The following DNAJC1 variants were observed in gnomAD, a reference collection of about 807,000 sequenced individuals.
DNAJC1 encodes the protein dnaJ homolog subfamily C member 1.
A neutral mutation model predicts 76.6 loss-of-function variants in DNAJC1; 58 were observed. The ratio of observed to expected loss-of-function variants is 0.76; its 90% CI spans 0.61 to 0.94. DNAJC1 has a LOEUF of 0.94. Among genes scored for constraint, DNAJC1 ranks in the 40% least tolerant of loss-of-function variants. DNAJC1 has a pLI of 0.00. For missense variants in DNAJC1, 689 were observed against 677.3 expected (o/e 1.02, Z -0.19); for synonymous variants, 258 against 267.9 (o/e 0.96, Z 0.36).
At chr10:21,969,265 A>C (rs1043708795) in intron 1 of DNAJC1, among the ~76,000 whole-genome samples, 1 of 149,006 alleles carries the variant, frequency 6.7e-6, no homozygotes, top group East Asian at 2.1e-4. Context: ...CTAGGGACAA[A>C]GAGTTGGAAT....
intron 9 of DNAJC1, among the ~76,000 whole-genome samples, chr10:21,787,512 A>C (rs764591321): frequency 6.6e-6 from 1 of 152,212 alleles, no homozygotes; most frequent in South Asian, 2.1e-4. Flanking sequence ...CCACAAAGAC[A>C]GCCAAAAACA....
At chr10:21,906,708 T>C (rs1018965887) in intron 6 of DNAJC1, among the ~76,000 whole-genome samples, 7 of 152,180 alleles carry the variant, frequency 4.6e-5, no homozygotes, top group African/African-American at 1.7e-4. Context: ...ACTAGCTATG[T>C]GACATTCAGA....
intron 8 of DNAJC1, among the ~76,000 whole-genome samples, chr10:21,813,183 T>TCC (rs2131647624): frequency 5.6e-5 from 1 of 17,978 alleles, no homozygotes; most frequent in Non-Finnish European, 9.5e-5. Flanking sequence ...TCCCTCTCTC[T>TCC]CTCTCTCTCT....
intron 8 of DNAJC1, chr10:21,865,782 A>G (rs1014545407): frequency 6.6e-6 from 1 of 152,134 alleles, no homozygotes; most frequent in Non-Finnish European, 1.5e-5. Flanking sequence ...AAATTAATCA[A>G]TACAAAAGAC....
intron 1 of DNAJC1, among the ~76,000 whole-genome samples, chr10:21,954,040 T>C (rs1010056622): frequency 9.2e-5 from 14 of 152,112 alleles, no homozygotes; most frequent in African/African-American, 3.4e-4. Context: ...TGGGCATTTT[T>C]ATATTTGCAA....
intron 1 of DNAJC1, among the ~76,000 whole-genome samples, chr10:21,948,099 T>C (rs951770661): frequency 1.9e-4 from 28 of 151,320 alleles, no homozygotes; most frequent in African/African-American, 6.8e-4. Context: ...GTCTTTTTTT[T>C]TTTTTTTTTG....
At chr10:21,972,140 CAA>C (rs1380395016) in intron 1 of DNAJC1, among the ~76,000 whole-genome samples, 1 of 151,852 alleles carries the variant, frequency 6.6e-6, no homozygotes, top group Non-Finnish European at 1.5e-5. Flanking sequence ...AATTACAAAA[CAA>C]AGACATATAA....
At chr10:21,824,377 G>A (rs117739817) in intron 8 of DNAJC1, among the ~76,000 whole-genome samples, 4,416 of 152,186 alleles carry the variant, frequency 0.029, 104 homozygotes, top group Middle Eastern at 0.065. Flanking sequence ...TTCTATAAAC[G>A]TTATTTACAG....
At position 21,807,367 on chromosome 10, in the gene DNAJC1, C is replaced by T. The variant is rs188415106; in HGVS notation, c.979-1268G>A. Among the ~76,000 whole-genome samples, 673 of 152,248 alleles carry T rather than the reference C, an allele frequency of 4.4e-3. 2 individuals are homozygous for T. The highest frequency in any genetic ancestry group is 6.6e-3 in the Non-Finnish European group (452 of 68,012). ...TGTCATTCTCCCACTGTGCTCTAAC[C>T]ACACTGACATCCGCCTGCCTCACTG... On this transcript the variant is annotated intron_variant, in intron 8 of 11. Coordinates refer to ENST00000376980, the MANE Select transcript of DNAJC1 (RefSeq NM_022365.4).
chr10:21,990,040 C>G (rs770864204), intron 1 of DNAJC1, among the ~76,000 whole-genome samples: 2 of 152,178 alleles, frequency 1.3e-5, no homozygotes, highest in Non-Finnish European at 2.9e-5. Flanking sequence ...AACACAATGA[C>G]AGGTTTGAAG....
Position 21,843,444 on chromosome 10 carries a change from A to G in DNAJC1, c.979-37345T>C, listed in dbSNP as rs1590010834. On this transcript the variant is annotated intron_variant, in intron 8 of 11. Transcript: ENST00000376980. ...AGTCTCACTCTGTCGCCCAGGCTGG[A>G]GTGCAGTGGCACAATCTCAGCTCAC... 3.6e-5 allele frequency among the ~76,000 whole-genome samples: 5 copies of G among 137,388 alleles called. No individual in the cohort carries two copies. The Middle Eastern group carries it at 0.022, about 613-fold the overall frequency. 90.1% of individuals were successfully genotyped at this position (137,388 alleles called of 152,430 possible).
chr10:21,830,671 G>A (rs1041756914), intron 8 of DNAJC1, among the ~76,000 whole-genome samples: 5 of 151,994 alleles, frequency 3.3e-5, no homozygotes, highest in African/African-American at 1.2e-4. Context: ...TTATAATACT[G>A]CATTTCTCAT....
intron 8 of DNAJC1, among the ~76,000 whole-genome samples, chr10:21,829,443 C>G (rs1448308243): frequency 6.6e-6 from 1 of 152,180 alleles, no homozygotes; most frequent in Non-Finnish European, 1.5e-5. Flanking sequence ...GTCTTGATTT[C>G]CTGACCTCAT....
intron 8 of DNAJC1, among the ~76,000 whole-genome samples, chr10:21,834,824 C>T (rs146658431): frequency 0.013 from 2,031 of 152,324 alleles, 27 homozygotes; most frequent in Non-Finnish European, 0.022. Flanking sequence ...AACAAAGCAG[C>T]CAGGAAGCTC....
intron 7 of DNAJC1, among the ~76,000 whole-genome samples, chr10:21,882,823 T>C (rs1009049958): frequency 6.6e-6 from 1 of 152,174 alleles, no homozygotes; most frequent in Non-Finnish European, 1.5e-5. Context: ...ATCAACTTTC[T>C]CATCTATAAA....
chr10:21,851,061 G>A (rs997873559), intron 8 of DNAJC1, among the ~76,000 whole-genome samples: 1 of 152,104 alleles, frequency 6.6e-6, no homozygotes, highest in Non-Finnish European at 1.5e-5. Flanking sequence ...AAAATTCATA[G>A]AAGAAAGCAT....
intron 1 of DNAJC1, among the ~76,000 whole-genome samples, chr10:21,931,345 C>T (rs1460784587): frequency 6.6e-6 from 1 of 152,164 alleles, no homozygotes; most frequent in African/African-American, 2.4e-5. Context: ...GACTATTTTC[C>T]TCTTGAGAAT....
At chr10:21,841,273 A>G (rs1835570263) in intron 8 of DNAJC1, among the ~76,000 whole-genome samples, 1 of 152,236 alleles carries the variant, frequency 6.6e-6, no homozygotes, top group South Asian at 2.1e-4. Flanking sequence ...TAAACCTAAG[A>G]GCTTCTGCAC....
chr10:21,772,340 A>G (rs1834395512), intron 9 of DNAJC1, among the ~76,000 whole-genome samples: 1 of 148,138 alleles, frequency 6.8e-6, no homozygotes, highest in African/African-American at 2.5e-5. Flanking sequence ...CAGTGGTGAA[A>G]CTATCTGGAC....
Sources: allele counts gnomAD v4.1 joint callset (sites outside exome capture counted in the v4.1 genomes callset), GRCh38; gene constraint gnomAD v4.1.1; transcripts MANE v1.5; gene names NCBI Gene and HGNC (gene_info 2026-07-23, HGNC 2026-07-21).